Variants in TMEM117 observed in about 807,000 individuals in gnomAD.
TMEM117 encodes the protein transmembrane protein 117.
TMEM117 carries 27 observed loss-of-function variants against 52.4 expected under a neutral mutation model. The ratio of observed to expected loss-of-function variants is 0.51; its 90% confidence interval spans 0.38 to 0.71. The LOEUF (loss-of-function observed/expected upper bound fraction) is 0.71, where lower values mean the gene tolerates loss of function less well. Among genes scored for constraint, TMEM117 ranks in the 30% least tolerant of loss-of-function variants. The pLI is 0.00. For synonymous variants in TMEM117, 215 were observed against 206.3 expected, an observed-to-expected ratio of 1.04 and a Z score of -0.36; for missense variants, 556 against 630.5, an observed-to-expected ratio of 0.88 and a Z score of 1.26.
At chr12:44,211,840 C>A (rs1218499938) in intron 5 of TMEM117, among the ~76,000 whole-genome samples, 6 of 152,128 alleles carry the variant, frequency 3.9e-5, no homozygotes, top group Admixed American at 3.9e-4. Flanking sequence ...AGCTCTCCAG[C>A]CCAATCTTTG....
rs1943137914 is a variant in TMEM117 at position 43,842,851 on chromosome 12, G to A, written c.-28-1773G>A. On this transcript the variant is annotated intron_variant, in intron 1 of 7. Coordinates refer to ENST00000266534, the MANE Select transcript of TMEM117 (RefSeq NM_032256.3). ...GTCTCCAGAAGACATTTAAGGGATG[G>A]CATCCCTGGGACTGGGACCTGGGCC... Among the ~76,000 whole-genome samples the A allele has an allele frequency of 2.0e-5, 3 of 152,200 alleles. 1 individual carries two copies. Among genetic ancestry groups the A allele is most frequent in the Admixed American group, 2.0e-4 (3 of 15,280 alleles).
At chr12:44,114,617 T>A (rs1205706186) in intron 3 of TMEM117, among the ~76,000 whole-genome samples, 3 of 152,190 alleles carry the variant, frequency 2.0e-5, no homozygotes, top group African/African-American at 7.2e-5. Context: ...ATTCTCTCTG[T>A]GCTTTGTTTT....
In TMEM117 at chr12:44,005,286, G is replaced by A. The variant is rs12228693; in HGVS notation, c.410+60944G>A. ...GTTTTGTTTAATGTCTAAATTTAAC[G>A]TGAAACGTCATTTTCATTAAAAAGT... On this transcript the variant is annotated intron_variant, in intron 3 of 7. Coordinates refer to ENST00000266534, the MANE Select transcript of TMEM117 (RefSeq NM_032256.3). 5.1e-3 allele frequency among the ~76,000 whole-genome samples: 775 copies of A among 152,352 alleles called. 8 individuals carry two copies. The highest frequency in any genetic ancestry group is 0.025 in the East Asian group (128 of 5,188).
intron 4 of TMEM117, among the ~76,000 whole-genome samples, chr12:44,164,058 G>A (rs1485206396): frequency 6.6e-6 from 1 of 152,030 alleles, no homozygotes; most frequent in African/African-American, 2.4e-5. Context: ...GATTGGGATT[G>A]GACAAAGCTT....
chr12:44,085,911 T>A lies in TMEM117; in HGVS notation c.411-57614T>A, dbSNP rs143578727. 2.2e-4 allele frequency among the ~76,000 whole-genome samples: 34 copies of A among 152,278 alleles called. No individual in the cohort carries two copies. The East Asian group carries it at 6.6e-3, about 29-fold the overall frequency. On this transcript the variant is annotated intron_variant, in intron 3 of 7. Coordinates refer to ENST00000266534, the MANE Select transcript of TMEM117 (RefSeq NM_032256.3). ...CTTCTTTCAAAATTACAATTTCTTC[T>A]GGAATCACGGTTTCAGAAAAAAGAG... is the stretch of plus-strand genomic sequence containing the variant.
At chr12:44,302,393 GC>G (rs1950852165) in intron 6 of TMEM117, among the ~76,000 whole-genome samples, 1 of 152,076 alleles carries the variant, frequency 6.6e-6, no homozygotes, top group South Asian at 2.1e-4. Flanking sequence ...CTGGGCATTT[GC>G]CCACAGCATA....
intron 3 of TMEM117, among the ~76,000 whole-genome samples, chr12:44,046,406 G>C (rs761741669): frequency 7.2e-5 from 11 of 152,196 alleles, no homozygotes; most frequent in Non-Finnish European, 1.5e-4. Context: ...CATATTGGAG[G>C]TTAGGAAGAG....
the TMEM117 span, chr12:43,800,409 A>G: frequency 6.4e-7 from 1 of 1,560,770 alleles, no homozygotes; most frequent in South Asian, 1.1e-5. Flanking sequence ...ATTGCAACAT[A>G]TAGAATCCAC....
At chr12:44,359,130 G>A (rs1427531871) in intron 6 of TMEM117, among the ~76,000 whole-genome samples, 1 of 151,654 alleles carries the variant, frequency 6.6e-6, no homozygotes, top group Non-Finnish European at 1.5e-5. Flanking sequence ...TGGAATGAAA[G>A]CAAGATTTAT....
chr12:44,144,926 G>A (rs1318186153), intron 4 of TMEM117, among the ~76,000 whole-genome samples: 4 of 152,206 alleles, frequency 2.6e-5, no homozygotes, highest in African/African-American at 2.4e-5. Flanking sequence ...GGGAGGCCGA[G>A]GCGGGCGGAT....
chr12:44,048,356 G>A (rs980327742), intron 3 of TMEM117, among the ~76,000 whole-genome samples: 30 of 151,662 alleles, frequency 2.0e-4, no homozygotes, highest in Non-Finnish European at 1.5e-5. Context: ...TTTGATTTCT[G>A]TTCTTATCTT....
intron 5 of TMEM117, among the ~76,000 whole-genome samples, chr12:44,237,633 G>A (rs1950013613): frequency 6.6e-6 from 1 of 151,810 alleles, no homozygotes; most frequent in Non-Finnish European, 1.5e-5. Flanking sequence ...AGGAGAATTG[G>A]TTGAACCCAG....
chr12:44,304,226 T>C (rs993646610), intron 6 of TMEM117, among the ~76,000 whole-genome samples: 1 of 152,184 alleles, frequency 6.6e-6, no homozygotes. Flanking sequence ...GACTTTGCAT[T>C]GGAACTTAGT....
chr12:44,025,156 A>G (rs1946513570), intron 3 of TMEM117, among the ~76,000 whole-genome samples: 2 of 152,186 alleles, frequency 1.3e-5, no homozygotes, highest in South Asian at 2.1e-4. Context: ...TGAGGAGTCA[A>G]TGAAGCAATG....
chr12:43,921,970 G>A lies in TMEM117; in HGVS notation c.278-22240G>A, dbSNP rs546288907. On this transcript the variant is annotated intron_variant, in intron 2 of 7. Transcript: ENST00000266534. Reference sequence around the variant, plus strand: ...ATGTCCACTGTCAACCTCTAAAAGTGGACTTTCTTCCTGAACTCTACCATA... The same window carrying A: ...ATGTCCACTGTCAACCTCTAAAAGTAGACTTTCTTCCTGAACTCTACCATA... 2.6e-5 allele frequency among the ~76,000 whole-genome samples: 4 copies of A among 152,162 alleles called. No homozygotes were observed. The East Asian group carries it at 7.7e-4, about 29-fold the overall frequency.
At chr12:44,168,809 A>C (rs928371309) in intron 4 of TMEM117, among the ~76,000 whole-genome samples, 10 of 152,128 alleles carry the variant, frequency 6.6e-5, no homozygotes, top group African/African-American at 2.4e-4. Context: ...TCATCTCCAG[A>C]ACTTTTCCCC....
intron 6 of TMEM117, among the ~76,000 whole-genome samples, chr12:44,356,502 T>C (rs899171346): frequency 6.6e-6 from 1 of 152,102 alleles, no homozygotes; most frequent in Non-Finnish European, 1.5e-5. Context: ...GGGTTTTTCT[T>C]TCAGTTTATT....
chr12:44,277,922 C>T (rs1181456206), intron 5 of TMEM117, among the ~76,000 whole-genome samples: 1 of 151,970 alleles, frequency 6.6e-6, no homozygotes, highest in Non-Finnish European at 1.5e-5. Flanking sequence ...TGCCACCATG[C>T]CCAGCTAATT....
intron 5 of TMEM117, among the ~76,000 whole-genome samples, chr12:44,268,108 G>A (rs1221598824): frequency 4.0e-5 from 6 of 151,252 alleles, no homozygotes; most frequent in African/African-American, 1.5e-4. Context: ...CTTTGTTGTA[G>A]TGTCTTTGGA....
Sources: gnomAD v4.1 joint callset for allele counts (sites outside exome capture counted in the v4.1 genomes callset) on GRCh38, gnomAD v4.1.1 for gene constraint, MANE v1.5 for transcripts, NCBI Gene and HGNC (gene_info 2026-07-23, HGNC 2026-07-21) for gene names.